The following SLC7A1 variants were observed in gnomAD, a reference collection of about 807,000 sequenced individuals.
The protein encoded by SLC7A1 is solute carrier family 7 member 1, also known as high affinity cationic amino acid transporter 1.
In SLC7A1, 10 loss-of-function variants were observed where a neutral mutation model predicts 53.9. That is an observed-to-expected ratio of 0.19 (90% CI 0.11 to 0.31). The LOEUF (loss-of-function observed/expected upper bound fraction) is 0.31, where lower values mean the gene tolerates loss of function less well. SLC7A1 is among the 10% of genes least tolerant of loss of function. The pLI is 1.00. For missense variants in SLC7A1, 525 were observed against 827.2 expected (o/e 0.63, Z 4.48); for synonymous variants, 342 against 338.7 (o/e 1.01, Z -0.11).
At chr13:29,572,530 G>A (rs894134059) in intron 1 of SLC7A1, among the ~76,000 whole-genome samples, 1 of 152,190 alleles carries the variant, frequency 6.6e-6, no homozygotes, top group Non-Finnish European at 1.5e-5. Flanking sequence ...AGGGGCAGGG[G>A]AGGAAGGACT....
chr13:29,525,000 C>T (rs1868818290), intron 5 of SLC7A1, among the ~76,000 whole-genome samples: 1 of 152,208 alleles, frequency 6.6e-6, no homozygotes, highest in Non-Finnish European at 1.5e-5. Context: ...GGCGCTATGG[C>T]CCCTCCCAGG....
chr13:29,553,897 T>C, intron 1 of SLC7A1, 37 bp from the exon 2 acceptor site: 1 of 151,858 alleles, frequency 6.6e-6, no homozygotes, highest in Non-Finnish European at 1.5e-5. Context: ...TATGTTCAGT[T>C]TCAACCTCAG....
intron 1 of SLC7A1, among the ~76,000 whole-genome samples, chr13:29,560,670 C>T (rs781446011): frequency 5.3e-5 from 8 of 152,188 alleles, no homozygotes; most frequent in Non-Finnish European, 1.0e-4. Flanking sequence ...ACATGAGTAA[C>T]GTGTAGCAGG....
intron 1 of SLC7A1, chr13:29,586,942 T>C (rs1240482917): frequency 6.6e-6 from 1 of 152,196 alleles, no homozygotes; most frequent in Non-Finnish European, 1.5e-5. Context: ...CTTTGAAGAG[T>C]AGCCCTTCAG....
chr13:29,517,897 G>T, intron 9 of SLC7A1, 107 bp from the exon 10 acceptor site: 1 of 803,284 alleles, frequency 1.2e-6, no homozygotes. Context: ...GGGACACAAG[G>T]TATAAAATGG....
chr13:29,579,555 G>T (rs545187571), intron 1 of SLC7A1, among the ~76,000 whole-genome samples: 2 of 152,130 alleles, frequency 1.3e-5, no homozygotes, highest in South Asian at 2.1e-4. Flanking sequence ...TAGAGACAGG[G>T]TTTTGCCATA....
Position 29,532,915 on chromosome 13 carries a change from C to A in SLC7A1, c.438G>T (p.Glu146Asp), listed in dbSNP as rs1221648474. Residue 146 changes from glutamate (E) to aspartate (D), a missense_variant, in exon 4 of 13, where the codon GAG becomes GAT. By Grantham distance (45) the Glu-to-Asp change is conservative (BLOSUM62 2). Transcript: ENST00000380752. ...FDELIGRPIGEFSRTHMTLNA... is the reference protein window; with the variant it reads ...FDELIGRPIGDFSRTHMTLNA... ...TCAGAGTCATGTGTGTCCGTGAGAA[C>A]TCCCCGATGGGTCTGCCTATCAGCT... 3 of 1,614,182 alleles carry A rather than the reference C, an allele frequency of 1.9e-6. No homozygotes were observed. The South Asian group carries it at 3.3e-5, about 18-fold the overall frequency.
intron 4 of SLC7A1, among the ~76,000 whole-genome samples, chr13:29,531,411 G>A (rs776759991): frequency 1.3e-5 from 2 of 152,180 alleles, no homozygotes; most frequent in East Asian, 1.9e-4. Flanking sequence ...ACCTTAGGGT[G>A]AAGAGGTCAT....
chr13:29,526,284 G>A (rs929317932), intron 5 of SLC7A1, among the ~76,000 whole-genome samples: 1 of 151,300 alleles, frequency 6.6e-6, no homozygotes, highest in African/African-American at 2.5e-5. Flanking sequence ...GGGCAACATA[G>A]TGAGACCCCA....
intron 1 of SLC7A1, among the ~76,000 whole-genome samples, chr13:29,594,498 C>T (rs1446881904): frequency 6.6e-6 from 1 of 152,358 alleles, no homozygotes; most frequent in East Asian, 1.9e-4. Context: ...AGGAGCTGAA[C>T]CAGCAGGCTG....
intron 2 of SLC7A1, among the ~76,000 whole-genome samples, chr13:29,544,156 G>A (rs551128060): frequency 7.9e-5 from 12 of 152,344 alleles, no homozygotes; most frequent in East Asian, 1.9e-4. Flanking sequence ...AACCCAGTGC[G>A]ATCTTTACAG....
intron 2 of SLC7A1, among the ~76,000 whole-genome samples, chr13:29,538,500 C>G (rs1869524905): frequency 6.6e-6 from 1 of 152,190 alleles, no homozygotes; most frequent in Non-Finnish European, 1.5e-5. Flanking sequence ...CTCAGCAACA[C>G]AGGGATGCCT....
At position 29,528,380 on chromosome 13, in the gene SLC7A1, G is replaced by A. The variant is rs532258454; in HGVS notation, c.704+2158C>T. ...GCACGAAGAGCCATCCAGACTGCAG[G>A]GTAACTAACACTCCTCTTCACAGAC... On this transcript the variant is annotated intron_variant, in intron 5 of 12. Transcript: ENST00000380752. Among the ~76,000 whole-genome samples, 29 of 152,276 alleles carry A rather than the reference G, an allele frequency of 1.9e-4. 1 individual carries two copies. The Middle Eastern group carries it at 0.017, about 90-fold the overall frequency.
At chr13:29,532,532 G>A (rs536192067) in intron 4 of SLC7A1, among the ~76,000 whole-genome samples, 1 of 152,268 alleles carries the variant, frequency 6.6e-6, no homozygotes, top group South Asian at 2.1e-4. Flanking sequence ...CAAAAAGCCT[G>A]CAGTGCAGAC....
intron 5 of SLC7A1, among the ~76,000 whole-genome samples, chr13:29,526,957 C>T (rs1296396153): frequency 6.6e-6 from 1 of 152,154 alleles, no homozygotes; most frequent in African/African-American, 2.4e-5. Context: ...GACCCTGCCA[C>T]ACCTGCTCCT....
At chr13:29,542,944 C>A (rs914752805) in intron 2 of SLC7A1, among the ~76,000 whole-genome samples, 57 of 152,180 alleles carry the variant, frequency 3.7e-4, no homozygotes, top group African/African-American at 1.4e-3. Flanking sequence ...CTTTTAAAGG[C>A]CCTGGGGTCT....
At chr13:29,543,217 C>T (rs1417902443) in intron 2 of SLC7A1, among the ~76,000 whole-genome samples, 1 of 152,186 alleles carries the variant, frequency 6.6e-6, no homozygotes. Flanking sequence ...CAAAAGGCCA[C>T]TACTTTCATG....
chr13:29,581,788 T>C (rs1459257859), intron 1 of SLC7A1, among the ~76,000 whole-genome samples: 1 of 152,216 alleles, frequency 6.6e-6, no homozygotes, highest in African/African-American at 2.4e-5. Flanking sequence ...ATTAAGAATT[T>C]CCTGAGGATG....
chr13:29,522,173 T>C (rs1868657047), intron 8 of SLC7A1, 144 bp downstream of exon 8: 3 of 865,788 alleles, frequency 3.5e-6, no homozygotes, highest in Admixed American at 4.6e-5. Flanking sequence ...CAACTTTCAA[T>C]GAACCAGGCT....
Sources: gnomAD v4.1 joint callset for allele counts (sites outside exome capture counted in the v4.1 genomes callset) on GRCh38, gnomAD v4.1.1 for gene constraint, MANE v1.5 for transcripts, NCBI Gene and HGNC (gene_info 2026-07-23, HGNC 2026-07-21) for gene names.